THSD4: variants seen among roughly 807,000 people sequenced by gnomAD.
THSD4 encodes the protein thrombospondin type 1 domain containing 4.
Under a neutral mutation model 119.0 loss-of-function variants are expected in THSD4, and 69 were observed. The ratio of observed to expected loss-of-function variants is 0.58; its 90% CI spans 0.48 to 0.71. THSD4 has a LOEUF of 0.71. Ranked by LOEUF, THSD4 falls within the 30% of genes least tolerant of loss-of-function variation. The pLI is 0.00. For missense variants in THSD4, 1,393 were observed against 1,391.1 expected (o/e 1.00, Z -0.02); for synonymous variants, 524 against 540.4 (o/e 0.97, Z 0.42).
chr15:71,533,676 T>A (rs1406281129), intron 7 of THSD4, among the ~76,000 whole-genome samples: 1 of 152,192 alleles, frequency 6.6e-6, no homozygotes, highest in Non-Finnish European at 1.5e-5. Flanking sequence ...TGATATTGCC[T>A]GCTTAGAGCA....
At chr15:71,489,825 ATT>A (rs60388807) in intron 7 of THSD4, among the ~76,000 whole-genome samples, 123,633 of 151,882 alleles carry the variant, frequency 0.81, 51,384 homozygotes, top group Admixed American at 0.89. Flanking sequence ...CATTTTAAAC[ATT>A]TTTTTTTTTC....
At chr15:71,661,521 G>C (rs537760061) in intron 8 of THSD4, among the ~76,000 whole-genome samples, 2 of 151,446 alleles carry the variant, frequency 1.3e-5, no homozygotes, top group African/African-American at 2.4e-5. Context: ...TCAGCCTCCC[G>C]AGTAGCTGGG....
intron 14 of THSD4, among the ~76,000 whole-genome samples, chr15:71,755,628 T>C (rs2053524396): frequency 7.4e-6 from 1 of 135,706 alleles, no homozygotes; most frequent in Non-Finnish European, 1.5e-5. Flanking sequence ...GATTTACTCA[T>C]GAATAAGACA....
chr15:71,276,250 C>A (rs1299438591), intron 6 of THSD4, among the ~76,000 whole-genome samples: 3 of 152,204 alleles, frequency 2.0e-5, no homozygotes. Flanking sequence ...GCCTAGTTAC[C>A]CTTTGGAGCC....
intron 6 of THSD4, among the ~76,000 whole-genome samples, chr15:71,310,645 G>T (rs1191322248): frequency 6.6e-6 from 1 of 152,166 alleles, no homozygotes; most frequent in African/African-American, 2.4e-5. Flanking sequence ...TGGAATGGAG[G>T]GGGGTTCTTA....
chr15:71,607,909 T>A (rs1030005323), intron 7 of THSD4, among the ~76,000 whole-genome samples: 2 of 152,144 alleles, frequency 1.3e-5, no homozygotes, highest in East Asian at 1.9e-4. Flanking sequence ...TCAGTGTAGT[T>A]GTGATCTTTC....
intron 7 of THSD4, among the ~76,000 whole-genome samples, chr15:71,631,344 T>C (rs997145069): frequency 3.3e-5 from 5 of 152,146 alleles, no homozygotes; most frequent in African/African-American, 7.2e-5. Context: ...ATGACCTCCA[T>C]TGACAGAGGA....
rs1418089141 is a variant in THSD4 at position 71,615,609 on chromosome 15, G to C, written c.1153-44921G>C. ...CTTTAGAATAAGTAGGTACAGAGTAGAGGACCAGGCTTCTTCCTTAGGCCC... is the reference window on the plus strand; with the variant it reads ...CTTTAGAATAAGTAGGTACAGAGTACAGGACCAGGCTTCTTCCTTAGGCCC... On this transcript the variant is annotated intron_variant, in intron 7 of 17. Coordinates refer to ENST00000261862, the MANE Select transcript of THSD4 (RefSeq NM_024817.3). 2.0e-5 allele frequency among the ~76,000 whole-genome samples: 3 copies of C among 152,096 alleles called. No homozygotes were observed. The East Asian group carries it at 5.8e-4, about 29-fold the overall frequency.
At chr15:71,361,567 C>T (rs1291890456) in intron 6 of THSD4, among the ~76,000 whole-genome samples, 1 of 152,176 alleles carries the variant, frequency 6.6e-6, no homozygotes, top group Non-Finnish European at 1.5e-5. Flanking sequence ...ATTTGGGGAA[C>T]TTCTCTGTGG....
intron 7 of THSD4, among the ~76,000 whole-genome samples, chr15:71,423,657 TA>T (rs2046835798): frequency 6.6e-6 from 1 of 152,164 alleles, no homozygotes. Context: ...AGGCGGAGTG[TA>T]AACACTCCTT....
At chr15:71,684,334 T>G (rs1281249285) in intron 8 of THSD4, among the ~76,000 whole-genome samples, 1 of 152,126 alleles carries the variant, frequency 6.6e-6, no homozygotes, top group Non-Finnish European at 1.5e-5. Context: ...TAATATTGCC[T>G]CCTCCTTTCC....
At chr15:71,406,042 C>T (rs1003199794) in intron 6 of THSD4, among the ~76,000 whole-genome samples, 1 of 152,092 alleles carries the variant, frequency 6.6e-6, no homozygotes, top group Admixed American at 6.5e-5. Context: ...CTGCCTTGGA[C>T]TCCCAAAGTT....
chr15:71,116,186 G>A (rs1421145550), intron 1 of THSD4, among the ~76,000 whole-genome samples: 1 of 152,148 alleles, frequency 6.6e-6, no homozygotes. Context: ...CTGGGGCCTC[G>A]GATCTGTGTG....
At chr15:71,423,508 A>T (rs932649908) in intron 7 of THSD4, among the ~76,000 whole-genome samples, 9 of 152,162 alleles carry the variant, frequency 5.9e-5, no homozygotes, top group Non-Finnish European at 1.2e-4. Context: ...ACGGCCTGGA[A>T]TGGGGGCCTC....
At chr15:71,660,509 T>C (rs747668398) in intron 7 of THSD4, 21 bp from the exon 8 acceptor site, 12 of 1,613,884 alleles carry the variant, frequency 7.4e-6, no homozygotes, top group African/African-American at 2.7e-5. Flanking sequence ...TATGAGTCTT[T>C]TGTTTTCTGT....
chr15:71,198,575 G>A (rs950171397), intron 3 of THSD4, among the ~76,000 whole-genome samples: 1 of 152,224 alleles, frequency 6.6e-6, no homozygotes, highest in African/African-American at 2.4e-5. Flanking sequence ...CCAAATCACT[G>A]TCTTAGTGTC....
At chr15:71,515,450 G>T (rs1169255424) in intron 7 of THSD4, among the ~76,000 whole-genome samples, 1 of 152,152 alleles carries the variant, frequency 6.6e-6, no homozygotes, top group Non-Finnish European at 1.5e-5. Context: ...GGGTTTCAGG[G>T]CTGGCCGCGT....
intron 7 of THSD4, among the ~76,000 whole-genome samples, chr15:71,489,493 C>G (rs1262467827): frequency 6.6e-6 from 1 of 152,154 alleles, no homozygotes; most frequent in Non-Finnish European, 1.5e-5. Context: ...GTGGGGACTC[C>G]TCTGCAGGCG....
chr15:71,098,189 C>CTTTTT (rs55726832), intron 1 of THSD4, among the ~76,000 whole-genome samples: 2 of 83,242 alleles, frequency 2.4e-5, no homozygotes, highest in African/African-American at 6.3e-5. Context: ...AATTCTTTCA[C>CTTTTT]TTTTTTTTTT....
Sources: gnomAD v4.1 joint callset for allele counts (sites outside exome capture counted in the v4.1 genomes callset) on GRCh38, gnomAD v4.1.1 for gene constraint, MANE v1.5 for transcripts, NCBI Gene and HGNC (gene_info 2026-07-23, HGNC 2026-07-21) for gene names.